Variants in ZNF829 observed in about 807,000 individuals in gnomAD.
ZNF829 encodes the protein zinc finger protein 829.
ZNF829 carries 25 observed loss-of-function variants against 35.2 expected under a neutral mutation model. The ratio of observed to expected loss-of-function variants is 0.71; its 90% CI spans 0.52 to 0.99. The LOEUF is 0.99. ZNF829 is among the 50% of genes least tolerant of loss of function. The pLI, the probability that ZNF829 is intolerant of heterozygous loss-of-function variation, is 0.00. For synonymous variants in ZNF829, 136 were observed against 163.2 expected (o/e 0.83, Z 1.27); for missense variants, 417 against 515.3 (o/e 0.81, Z 1.85).
At chr19:36,903,170 C>G (rs527690196) in intron 5 of ZNF829, among the ~76,000 whole-genome samples, 4 of 152,176 alleles carry the variant, frequency 2.6e-5, no homozygotes, top group Non-Finnish European at 4.4e-5. Flanking sequence ...AGATAATCCT[C>G]GAAAACCTGG....
At chr19:36,901,863 G>C (rs1185387427) in intron 5 of ZNF829, 2 of 752,466 alleles carry the variant, frequency 2.7e-6, no homozygotes, top group African/African-American at 3.4e-5. Context: ...TTCAAGAAGC[G>C]TGCCCCTCGG....
intron 5 of ZNF829, chr19:36,905,947 G>A (rs1434927965): frequency 6.6e-6 from 1 of 152,074 alleles, no homozygotes; most frequent in African/African-American, 2.4e-5. Context: ...ATTTCTATTG[G>A]GGAAAAGATA....
intron 5 of ZNF829, among the ~76,000 whole-genome samples, chr19:36,897,255 CA>C (rs2073121657): frequency 6.6e-6 from 1 of 152,084 alleles, no homozygotes; most frequent in African/African-American, 2.4e-5. Flanking sequence ...ACAACAACAA[CA>C]ACAAAAAGAG....
Position 36,891,307 on chromosome 19 carries a change from T to C in ZNF829, c.*185A>G. 1 of 571,204 alleles carries C rather than the reference T, an allele frequency of 1.8e-6. No homozygotes were observed. The highest frequency in any genetic ancestry group is 2.9e-6 in the Non-Finnish European group (1 of 350,262). The allele number at this position is 571,204 out of a possible 1,614,324, so 35.4% of individuals were successfully genotyped here. A position where few individuals can be genotyped will look rare whatever the true frequency, so the allele number is the denominator to read the frequency against. ...GAGTTTAGATTTCCAGGCTCTAAACTATGAGAGAATAAATTTCTCTTGTTT... is the reference window on the plus strand; with the variant it reads ...GAGTTTAGATTTCCAGGCTCTAAACCATGAGAGAATAAATTTCTCTTGTTT... On this transcript the variant is annotated 3_prime_UTR_variant, in exon 6 of 6. Transcript: ENST00000391711.
In ZNF829 at chr19:36,889,494, T is replaced by A. The variant is rs2073030147; in HGVS notation, c.*1998A>T. On this transcript the variant is annotated 3_prime_UTR_variant, in exon 6 of 6. Transcript: ENST00000391711. Reference sequence around the variant, plus strand: ...CAATACTCAGTAGTCTGTTGAGGATTCCTATTTCTCCCTGGTTCAATCTTG... The same window carrying A: ...CAATACTCAGTAGTCTGTTGAGGATACCTATTTCTCCCTGGTTCAATCTTG... The A allele has an allele frequency of 6.6e-6, 1 of 152,310 alleles. No individual in the cohort carries two copies. Among genetic ancestry groups the A allele is most frequent in the Non-Finnish European group, 1.5e-5 (1 of 68,026 alleles). 9.4% of individuals were successfully genotyped at this position (152,310 alleles called of 1,614,324 possible).
chr19:36,911,911 A>C (rs574836452), intron 3 of ZNF829, among the ~76,000 whole-genome samples: 1 of 152,360 alleles, frequency 6.6e-6, no homozygotes, highest in African/African-American at 2.4e-5. Context: ...TGCATATCCC[A>C]GGAAATGCAA....
At chr19:36,900,654 C>T (rs1436959697) in intron 5 of ZNF829, among the ~76,000 whole-genome samples, 1 of 151,932 alleles carries the variant, frequency 6.6e-6, no homozygotes, top group African/African-American at 2.4e-5. Context: ...TCAAGACCAG[C>T]CTGGCCAACA....
At chr19:36,915,885 G>T in intron 1 of ZNF829, 126 bp downstream of exon 1, 1 of 1,536,038 alleles carries the variant, frequency 6.5e-7, no homozygotes, top group Non-Finnish European at 8.7e-7. Flanking sequence ...AGGCCGCTCC[G>T]CCCGCAGGGG....
At chr19:36,908,194 C>T in intron 4 of ZNF829, 139 bp downstream of exon 4, 1 of 1,322,138 alleles carries the variant, frequency 7.6e-7, no homozygotes, top group East Asian at 2.3e-5. Flanking sequence ...CCAACTCTTC[C>T]ATTCTATTTT....
intron 5 of ZNF829, among the ~76,000 whole-genome samples, chr19:36,905,053 A>G (rs2073204290): frequency 6.6e-6 from 1 of 152,166 alleles, no homozygotes; most frequent in African/African-American, 2.4e-5. Flanking sequence ...CGCTAACTCC[A>G]TAGGTAACAA....
intron 5 of ZNF829, among the ~76,000 whole-genome samples, chr19:36,903,491 C>T (rs2073189256): frequency 6.6e-6 from 1 of 152,152 alleles, no homozygotes; most frequent in South Asian, 2.1e-4. Context: ...GTTTATATAT[C>T]ACAGTTCTCA....
intron 5 of ZNF829, among the ~76,000 whole-genome samples, chr19:36,897,223 G>A (rs2073121319): frequency 6.6e-6 from 1 of 152,080 alleles, no homozygotes; most frequent in African/African-American, 2.4e-5. Flanking sequence ...GCATTACCCT[G>A]ATACCAAAAC....
intron 5 of ZNF829, chr19:36,907,723 A>G (rs1262229682): frequency 2.2e-6 from 1 of 459,998 alleles, no homozygotes; most frequent in Admixed American, 4.0e-5. Flanking sequence ...AAGGAATGAA[A>G]CTAAAATGTG....
At position 36,915,809 on chromosome 19, in the gene ZNF829, A is replaced by T. The variant is rs780254106; in HGVS notation, c.-85+202T>A. The T allele has an allele frequency of 1.0e-5, 15 of 1,501,412 alleles. No homozygotes were observed. In the South Asian group the frequency reaches 1.2e-4, roughly 12 times the overall value. 93.0% of individuals were successfully genotyped at this position (1,501,412 alleles called of 1,614,324 possible). A position where few individuals can be genotyped will look rare whatever the true frequency, so the allele number is the denominator to read the frequency against. ...ATGGGGTTTCACCATGTTGGCCAGG[A>T]TGGTCTCGATCTCTTGACCTCGTGA... On this transcript the variant is annotated intron_variant, in intron 1 of 5. Transcript: ENST00000391711.
intron 5 of ZNF829, among the ~76,000 whole-genome samples, chr19:36,905,070 C>T (rs1019062583): frequency 2.0e-5 from 3 of 152,164 alleles, no homozygotes; most frequent in African/African-American, 7.2e-5. Flanking sequence ...ACAACATCTA[C>T]TTCTAGGGCT....
chr19:36,896,296 G>A (rs765524071), intron 5 of ZNF829, among the ~76,000 whole-genome samples: 27 of 144,286 alleles, frequency 1.9e-4, no homozygotes, highest in Non-Finnish European at 3.3e-4. Context: ...GGGTGACAGA[G>A]CAAGACTGTC....
chr19:36,912,651 T>C (rs535831916), intron 3 of ZNF829: 1 of 152,352 alleles, frequency 6.6e-6, no homozygotes, highest in East Asian at 1.9e-4. Flanking sequence ...GTTTCAAATA[T>C]TTCCTGATTA....
intron 5 of ZNF829, among the ~76,000 whole-genome samples, chr19:36,899,908 T>TAAA (rs1399885005): frequency 0.028 from 4,234 of 150,848 alleles, 120 homozygotes; most frequent in African/African-American, 0.075. Context: ...ATATAAAAAT[T>TAAA]TTTTTTTAAA....
chr19:36,915,912 C>T lies in ZNF829; in HGVS notation c.-85+99G>A, dbSNP rs748080072. On this transcript the variant is annotated intron_variant, in intron 1 of 5. Transcript: ENST00000391711. The stretch of plus-strand genomic sequence containing the variant: ...CCGCAGGGGCCCAAGGCGCCAGCTC[C>T]CCATCGGTCTTCGGTATCCTCACCT... 27 of 1,535,984 alleles carry T rather than the reference C, an allele frequency of 1.8e-5. No individual in the cohort carries two copies. The highest frequency in any genetic ancestry group is 2.4e-5 in the Non-Finnish European group (27 of 1,146,904).
Sources: allele counts gnomAD v4.1 joint callset (sites outside exome capture counted in the v4.1 genomes callset), GRCh38; gene constraint gnomAD v4.1.1; transcripts MANE v1.5; gene names NCBI Gene and HGNC (gene_info 2026-07-23, HGNC 2026-07-21).